Variants in ABR observed in about 807,000 individuals in gnomAD.
ABR encodes the protein ABR activator of RhoGEF and GTPase.
ABR carries 35 observed loss-of-function variants against 107.2 expected under a neutral mutation model. That is an observed-to-expected ratio of 0.33 (90% CI 0.25 to 0.43). The LOEUF is 0.43. Ranked by LOEUF, ABR falls within the 20% of genes least tolerant of loss-of-function variation. The pLI is 1.00. For missense variants in ABR, 815 were observed against 1,115.2 expected, an observed-to-expected ratio of 0.73 and a Z score of 3.83; for synonymous variants, 498 against 462.0, an observed-to-expected ratio of 1.08 and a Z score of -1.00.
chr17:1,061,919 C>A (rs898776019), intron 10 of ABR, among the ~76,000 whole-genome samples: 1 of 152,124 alleles, frequency 6.6e-6, no homozygotes, highest in Admixed American at 6.5e-5. Context: ...CCCTGGAGTT[C>A]AAATTCCAGT....
intron 2 of ABR, among the ~76,000 whole-genome samples, chr17:1,124,829 C>G (rs1054947962): frequency 8.5e-5 from 13 of 152,172 alleles, no homozygotes; most frequent in African/African-American, 3.1e-4. Context: ...CAGCCACTGC[C>G]TGGCCTGGGT....
intron 3 of ABR, 25 bp from the exon 4 acceptor site, chr17:1,091,875 G>A (rs1349955603): frequency 6.2e-7 from 1 of 1,603,692 alleles, no homozygotes; most frequent in Non-Finnish European, 8.5e-7. Flanking sequence ...GGAAGAAAGA[G>A]CAGAGGTCGG....
intron 1 of ABR, among the ~76,000 whole-genome samples, chr17:1,174,197 C>G (rs1288496207): frequency 6.6e-6 from 1 of 152,214 alleles, no homozygotes; most frequent in African/African-American, 2.4e-5. Flanking sequence ...CAATCACAAC[C>G]ACAGAAACCT....
Position 1,005,836 on chromosome 17 carries a change from G to C in ABR, c.*244C>G. The C allele has an allele frequency of 1.7e-6, 1 of 574,196 alleles. No individual in the cohort carries two copies. The highest frequency in any genetic ancestry group is 3.1e-5 in the Admixed American group (1 of 32,586). The allele number at this position is 574,196 out of a possible 1,614,324, so 35.6% of individuals were successfully genotyped here. A position where few individuals can be genotyped will look rare whatever the true frequency, so the allele number is the denominator to read the frequency against. ...TAAAACAATTCCCGAACAGCACGGA[G>C]CATCAGACACAACTAGAGGTATGGA... On this transcript the variant is annotated 3_prime_UTR_variant, in exon 23 of 23. Coordinates refer to ENST00000302538, the MANE Select transcript of ABR (RefSeq NM_021962.5).
intron 1 of ABR, among the ~76,000 whole-genome samples, chr17:1,206,145 T>G (rs1418393234): frequency 6.6e-6 from 1 of 152,050 alleles, no homozygotes; most frequent in East Asian, 1.9e-4. Context: ...TAGCTGGGTG[T>G]GGTGGCACAC....
intron 5 of ABR, among the ~76,000 whole-genome samples, chr17:1,080,536 CGGTCAGGTGCCCAGGTGATGAGGCCAG>C (rs1197713714): frequency 3.9e-4 from 60 of 152,026 alleles, no homozygotes; most frequent in Non-Finnish European, 7.2e-4. Context: ...GGTGAGGCCA[CGGTCAGGTGCCCAGGTGATGAGGCCAG>C]GGTCAGGTGC....
intron 18 of ABR, 193 bp from the exon 19 acceptor site, chr17:1,012,178 G>A (rs1409378674): frequency 2.1e-5 from 18 of 857,612 alleles, no homozygotes; most frequent in Non-Finnish European, 3.2e-5. Context: ...CCTGCCGAAG[G>A]GGCATCGACG....
At chr17:1,014,930 T>C (rs1269841301) in intron 16 of ABR, among the ~76,000 whole-genome samples, 1 of 152,202 alleles carries the variant, frequency 6.6e-6, no homozygotes, top group East Asian at 1.9e-4. Context: ...CTTGAATTTG[T>C]TTCTATTCCA....
At chr17:1,171,379 G>A (rs1220392474) in intron 1 of ABR, among the ~76,000 whole-genome samples, 3 of 152,138 alleles carry the variant, frequency 2.0e-5, no homozygotes, top group Non-Finnish European at 2.9e-5. Flanking sequence ...CCCCGAGTAA[G>A]CCCACAGATC....
intron 1 of ABR, among the ~76,000 whole-genome samples, chr17:1,212,213 G>C (rs761207839): frequency 6.6e-6 from 1 of 151,894 alleles, no homozygotes; most frequent in Admixed American, 6.6e-5. Flanking sequence ...AAGATCTCTC[G>C]AGTCTGGGAG....
At position 1,179,788 on chromosome 17, in the gene ABR, GA is replaced by G; in HGVS notation, c.-62del. 1 of 1,327,526 alleles carries G rather than the reference GA, an allele frequency of 7.5e-7. No homozygotes were observed. 82.2% of individuals were successfully genotyped at this position (1,327,526 alleles called of 1,614,324 possible). On this transcript the variant is annotated 5_prime_UTR_variant, in exon 1 of 23. Coordinates refer to ENST00000302538, the MANE Select transcript of ABR (RefSeq NM_021962.5). The surrounding 1 kb of genome is among the most constrained non-coding windows in gnomAD (Gnocchi z 4.9). ...CCCTCATCGCGCAACAAAGGAGGGA[GA>G]GCGGGCGGGAGCCGGGGGAGGCCGA...
Position 1,111,961 on chromosome 17 carries a change from G to A in ABR, c.247-11226C>T, listed in dbSNP as rs150692983. On this transcript the variant is annotated intron_variant, in intron 2 of 22. Transcript: ENST00000302538. ...TCCTTCTGAAACAGCTTCCCCTTCC[G>A]GGTTTCCACTTCTGTTAGTGCGGCC... Among the ~76,000 whole-genome samples the A allele has an allele frequency of 3.3e-5, 5 of 152,302 alleles. No homozygotes were observed. In the East Asian group the frequency reaches 5.8e-4, roughly 18 times the overall value.
chr17:1,192,862 A>G (rs2042465456), intron 1 of ABR, among the ~76,000 whole-genome samples: 1 of 152,108 alleles, frequency 6.6e-6, no homozygotes, highest in East Asian at 1.9e-4. Context: ...CAGCCTGACC[A>G]ATATGGTGAA....
At position 1,010,361 on chromosome 17, in the gene ABR, G is replaced by A. The variant is rs754224158; in HGVS notation, c.2236+368C>T. On this transcript the variant is annotated intron_variant, in intron 20 of 22. Coordinates refer to ENST00000302538, the MANE Select transcript of ABR (RefSeq NM_021962.5). The surrounding 1 kb of genome is among the most constrained non-coding windows in gnomAD (Gnocchi z 4.1). ...TGGAAGGCTCAGCACAACCCATCTC[G>A]AGTGCCCTATGGCTTAAGCCAGCCT... is the stretch of plus-strand genomic sequence containing the variant. 1.9e-5 allele frequency: 5 copies of A among 269,340 alleles called. No individual in the cohort carries two copies. Among genetic ancestry groups the A allele is most frequent in the Non-Finnish European group, 3.6e-5 (5 of 138,992 alleles). The allele number at this position is 269,340 out of a possible 1,614,324, so 16.7% of individuals were successfully genotyped here. A position where few individuals can be genotyped will look rare whatever the true frequency, so the allele number is the denominator to read the frequency against.
At position 1,092,302 on chromosome 17, in the gene ABR, G is replaced by A. The variant is rs1030508177; in HGVS notation, c.346-452C>T. Among the ~76,000 whole-genome samples the A allele has an allele frequency of 1.3e-5, 2 of 152,198 alleles. No homozygotes were observed. The highest frequency in any genetic ancestry group is 2.9e-5 in the Non-Finnish European group (2 of 68,036). On this transcript the variant is annotated intron_variant, in intron 3 of 22. Coordinates refer to ENST00000302538, the MANE Select transcript of ABR (RefSeq NM_021962.5). The surrounding 1 kb of genome is among the most constrained non-coding windows in gnomAD (Gnocchi z 4.6). ...TCTAGGACTCAGAAGGTAGGGACCC[G>A]AAGTTACTCAAGACCAGTCTTGGCC...
At chr17:1,164,986 T>C (rs2041449275) in intron 1 of ABR, among the ~76,000 whole-genome samples, 1 of 152,258 alleles carries the variant, frequency 6.6e-6, no homozygotes, top group African/African-American at 2.4e-5. Flanking sequence ...TCTAAAATTC[T>C]AATTTAACGG....
chr17:1,163,059 G>A (rs566450877), intron 1 of ABR, among the ~76,000 whole-genome samples: 17 of 152,308 alleles, frequency 1.1e-4, no homozygotes, highest in Middle Eastern at 3.4e-3. Context: ...GCGACAGAGC[G>A]AGACTCAATC....
At position 1,058,022 on chromosome 17, in the gene ABR, C is replaced by T. The variant is rs760806434; in HGVS notation, c.1329G>A (p.Ser443=). Residue 443 remains serine (S), a synonymous_variant, in exon 12 of 23, where the codon TCG becomes TCA. Coordinates refer to ENST00000302538, the MANE Select transcript of ABR (RefSeq NM_021962.5). ...CTCTCCACTCTGACCTCTCGTAGTC[C>T]GAGGACAGTAGGAACAGGTAACTCT... ...NGKSYLFLLS[S]DYERSEWREA... is the part of the protein sequence containing the mutation. 10 of 1,613,630 alleles carry T rather than the reference C, an allele frequency of 6.2e-6. No homozygotes were observed. The highest frequency in any genetic ancestry group is 1.3e-5 in the African/African-American group (1 of 74,814).
Position 1,050,739 on chromosome 17 carries a change from G to A in ABR, c.1562-105C>T, listed in dbSNP as rs112700288. ...GGACATCGCATCTGTCCTTTCCAAC[G>A]TCCCCACGGATGGCATCTTGGCTCT... On this transcript the variant is annotated intron_variant, in intron 14 of 22. Coordinates refer to ENST00000302538, the MANE Select transcript of ABR (RefSeq NM_021962.5). This position sits in a 1 kb window ranked among gnomAD's most constrained non-coding sequence, Gnocchi z 4.6. The A allele has an allele frequency of 5.4e-5, 48 of 887,454 alleles. No individual in the cohort carries two copies. The East Asian group carries it at 9.9e-4, about 18-fold the overall frequency. The allele number at this position is 887,454 out of a possible 1,614,324, so 55.0% of individuals were successfully genotyped here. A position where few individuals can be genotyped will look rare whatever the true frequency, so the allele number is the denominator to read the frequency against.
Sources: allele counts gnomAD v4.1 joint callset (sites outside exome capture counted in the v4.1 genomes callset), GRCh38; gene constraint gnomAD v4.1.1; non-coding constraint Gnocchi (gnomAD v3.1); transcripts MANE v1.5; gene names NCBI Gene and HGNC (gene_info 2026-07-23, HGNC 2026-07-21).